The following PCDH15 variants were observed in gnomAD, a reference collection of about 807,000 sequenced individuals.
PCDH15 encodes protocadherin related 15.
PCDH15 carries 129 observed loss-of-function variants against 178.5 expected under a neutral mutation model. The observed-to-expected ratio is 0.72, with a 90% CI of 0.63 to 0.84. PCDH15 has a LOEUF of 0.84. Among genes scored for constraint, PCDH15 ranks in the 40% least tolerant of loss-of-function variants. The pLI, the probability that PCDH15 is intolerant of heterozygous loss-of-function variation, is 0.00. For missense variants in PCDH15, 2,230 were observed against 2,099.9 expected (o/e 1.06, Z -1.21); for synonymous variants, 800 against 732.0 (o/e 1.09, Z -1.50).
At position 55,090,093 on chromosome 10, in the gene PCDH15, A is replaced by G. The variant is rs7916253; in HGVS notation, c.-80+76483T>C. On this transcript the variant is annotated intron_variant, in intron 2 of 5. Coordinates refer to the PCDH15 transcript ENST00000458638. ...TTGAGAAAAATAATGTCTGCAAGAA[A>G]GTTATGAAAGTAATGGTAAATTCTG... is the stretch of plus-strand genomic sequence containing the variant. Among the ~76,000 whole-genome samples the G allele has an allele frequency of 4.7e-3, 708 of 152,200 alleles. 5 individuals are homozygous for G. Among genetic ancestry groups the G allele is most frequent in the African/African-American group, 0.016 (683 of 41,556 alleles).
intron 1 of PCDH15, among the ~76,000 whole-genome samples, chr10:55,316,035 T>TA (rs1843714430): frequency 6.6e-6 from 1 of 151,972 alleles, no homozygotes; most frequent in Admixed American, 6.6e-5. Flanking sequence ...CAAAACAAAA[T>TA]AAAAAATACA....
intron 2 of PCDH15, among the ~76,000 whole-genome samples, chr10:55,392,069 C>A (rs568831495): frequency 3.3e-4 from 50 of 152,242 alleles, no homozygotes; most frequent in Non-Finnish European, 6.2e-4. Context: ...TTGGTGCAAT[C>A]AGAACACACA....
chr10:54,515,527 G>A (rs950817216), intron 3 of PCDH15, among the ~76,000 whole-genome samples: 5 of 152,340 alleles, frequency 3.3e-5, no homozygotes, highest in Middle Eastern at 3.4e-3. Context: ...GGAGGCCTGC[G>A]GCCTCTGTAG....
chr10:54,504,720 T>C (rs1344292768), intron 3 of PCDH15, among the ~76,000 whole-genome samples: 1 of 152,142 alleles, frequency 6.6e-6, no homozygotes, highest in African/African-American at 2.4e-5. Context: ...CATATACATA[T>C]ATACATATAT....
intron 2 of PCDH15, among the ~76,000 whole-genome samples, chr10:54,990,344 A>T (rs984397519): frequency 2.0e-5 from 3 of 152,174 alleles, no homozygotes; most frequent in African/African-American, 2.4e-5. Flanking sequence ...AGTGCTTTAA[A>T]GGTATTAAAT....
chr10:54,651,489 T>G (rs900490841), intron 2 of PCDH15, among the ~76,000 whole-genome samples: 4 of 152,180 alleles, frequency 2.6e-5, no homozygotes, highest in Admixed American at 2.0e-4. Flanking sequence ...CTGAGTCACT[T>G]CAACTTCTGC....
intron 9 of PCDH15, among the ~76,000 whole-genome samples, chr10:54,234,539 C>G (rs532185297): frequency 2.9e-4 from 44 of 152,108 alleles, no homozygotes; most frequent in Non-Finnish European, 5.1e-4. Flanking sequence ...GGTGACAGAG[C>G]AAGACACTGT....
intron 1 of PCDH15, among the ~76,000 whole-genome samples, chr10:54,740,593 A>T: frequency 6.6e-6 from 1 of 151,990 alleles, no homozygotes; most frequent in East Asian, 1.9e-4. Flanking sequence ...TTGTACTACT[A>T]TTCACAACAG....
intron 18 of PCDH15, among the ~76,000 whole-genome samples, chr10:54,062,279 T>C (rs982575525): frequency 7.7e-6 from 1 of 130,006 alleles, no homozygotes; most frequent in African/African-American, 2.8e-5. Flanking sequence ...GAAAACTCCC[T>C]TCAGCATTTT....
intron 2 of PCDH15, chr10:55,468,998 T>C (rs1407694737): frequency 6.6e-6 from 1 of 151,930 alleles, no homozygotes; most frequent in African/African-American, 2.4e-5. Context: ...TCAACTGTCA[T>C]AGTGAAAAAA....
chr10:54,442,233 T>A (rs897348214), intron 3 of PCDH15, among the ~76,000 whole-genome samples: 3 of 150,302 alleles, frequency 2.0e-5, no homozygotes, highest in African/African-American at 7.3e-5. Context: ...GAGGGTAAAG[T>A]GTAAGTACTT....
At chr10:54,860,453 C>T (rs1216463475) in intron 3 of PCDH15, among the ~76,000 whole-genome samples, 1 of 152,166 alleles carries the variant, frequency 6.6e-6, no homozygotes, top group East Asian at 1.9e-4. Flanking sequence ...CCTCCAGCTC[C>T]ATCCATGTTA....
chr10:54,284,485 C>A (rs1313636194), intron 8 of PCDH15, among the ~76,000 whole-genome samples: 2 of 152,132 alleles, frequency 1.3e-5, no homozygotes, highest in African/African-American at 4.8e-5. Flanking sequence ...CTTTAAGGAT[C>A]TAAGGAGGAC....
chr10:55,372,670 A>T (rs1329464943), intron 2 of PCDH15, among the ~76,000 whole-genome samples: 1 of 152,098 alleles, frequency 6.6e-6, no homozygotes, highest in Non-Finnish European at 1.5e-5. Flanking sequence ...CAAATTGATA[A>T]TGTGTCATTA....
chr10:55,540,733 ATAT>A (rs1272027522), intron 2 of PCDH15, among the ~76,000 whole-genome samples: 2 of 152,092 alleles, frequency 1.3e-5, no homozygotes, highest in Non-Finnish European at 2.9e-5. Flanking sequence ...ATGTTCCCCA[ATAT>A]TATTGAAAAT....
chr10:53,949,928 C>T (rs930343912), intron 23 of PCDH15, among the ~76,000 whole-genome samples: 4 of 152,186 alleles, frequency 2.6e-5, no homozygotes, highest in African/African-American at 9.6e-5. Flanking sequence ...AGGTATAATG[C>T]TAATCCTTTG....
chr10:54,572,348 C>T (rs189775771), intron 2 of PCDH15, among the ~76,000 whole-genome samples: 1 of 152,102 alleles, frequency 6.6e-6, no homozygotes, highest in East Asian at 1.9e-4. Context: ...TAACATCAAA[C>T]GCTAGGAGAA....
intron 11 of PCDH15, chr10:54,189,335 C>G: frequency 3.2e-6 from 5 of 1,560,074 alleles, no homozygotes; most frequent in Non-Finnish European, 4.4e-6. Flanking sequence ...AACAAAAGAA[C>G]AATCACAAGC....
chr10:55,185,526 G>T (rs1372640874), intron 1 of PCDH15, among the ~76,000 whole-genome samples: 1 of 151,692 alleles, frequency 6.6e-6, no homozygotes, highest in Non-Finnish European at 1.5e-5. Context: ...AGGAGGAAGA[G>T]AAATATCAGT....
Sources: allele counts gnomAD v4.1 joint callset (sites outside exome capture counted in the v4.1 genomes callset), GRCh38; gene constraint gnomAD v4.1.1; transcripts MANE v1.5; gene names NCBI Gene and HGNC (gene_info 2026-07-23, HGNC 2026-07-21).